The following MOV10L1 variants were observed in gnomAD, a reference collection of about 807,000 sequenced individuals.
MOV10L1 encodes the protein Mov10 like RNA helicase 1.
In MOV10L1, 110 loss-of-function variants were observed where a neutral mutation model predicts 143.8. The observed-to-expected ratio is 0.76, with a 90% CI of 0.66 to 0.90. MOV10L1 has a LOEUF of 0.90. MOV10L1 is among the 40% of genes least tolerant of loss of function. The pLI is 0.00. For missense variants in MOV10L1, 1,406 were observed against 1,526.8 expected (o/e 0.92, Z 1.32); for synonymous variants, 593 against 581.1 (o/e 1.02, Z -0.29).
intron 13 of MOV10L1, among the ~76,000 whole-genome samples, chr22:50,130,806 C>T (rs2062651620): frequency 6.6e-6 from 1 of 152,226 alleles, no homozygotes; most frequent in Non-Finnish European, 1.5e-5. Context: ...TGCTTTGACT[C>T]TGGAACAGAG....
chr22:50,124,348 T>A (rs771632301), intron 10 of MOV10L1, among the ~76,000 whole-genome samples: 1 of 152,244 alleles, frequency 6.6e-6, no homozygotes, highest in Non-Finnish European at 1.5e-5. Context: ...GTTCTTTTGC[T>A]TTAATTCTTA....
chr22:50,160,600 T>G lies in MOV10L1; in HGVS notation c.3325-88T>G, dbSNP rs989056557. 4.1e-6 allele frequency: 6 copies of G among 1,477,898 alleles called. No homozygotes were observed. The East Asian group carries it at 9.2e-5, about 23-fold the overall frequency. The allele number at this position is 1,477,898 out of a possible 1,614,324, so 91.5% of individuals were successfully genotyped here. ...ATGAGGTCATTCTGCTATTTAACATTTTTAAATGTTTTTATATATCAAGAG... is the reference window on the plus strand; with the variant it reads ...ATGAGGTCATTCTGCTATTTAACATGTTTAAATGTTTTTATATATCAAGAG... On this transcript the variant is annotated intron_variant, in intron 24 of 26. Transcript: ENST00000262794.
At chr22:50,153,848 G>T (rs1166686925) in intron 22 of MOV10L1, among the ~76,000 whole-genome samples, 7 of 152,250 alleles carry the variant, frequency 4.6e-5, no homozygotes, top group Admixed American at 2.6e-4. Flanking sequence ...TGCCCCAGAA[G>T]AAGGGGCATT....
At chr22:50,091,883 C>T in intron 1 of MOV10L1, 118 bp from the exon 2 acceptor site, 1 of 915,918 alleles carries the variant, frequency 1.1e-6, no homozygotes, top group South Asian at 1.7e-5. Context: ...CGTTCGGAGT[C>T]AGTGCCTCCG....
At chr22:50,133,468 A>G (rs9617038) in intron 13 of MOV10L1, among the ~76,000 whole-genome samples, 20,614 of 149,732 alleles carry the variant, frequency 0.14, 1,610 homozygotes, top group Admixed American at 0.21. Flanking sequence ...AAAAAAAAAA[A>G]AAAGAAAGAA....
chr22:50,153,267 A>G (rs1384376546), intron 22 of MOV10L1, 49 bp downstream of exon 22: 4 of 1,551,962 alleles, frequency 2.6e-6, no homozygotes, highest in African/African-American at 2.7e-5. Flanking sequence ...TAAGGACAGT[A>G]TGGCAGGAGG....
intron 16 of MOV10L1, among the ~76,000 whole-genome samples, chr22:50,142,524 C>T (rs1286276038): frequency 6.6e-6 from 1 of 152,082 alleles, no homozygotes; most frequent in African/African-American, 2.4e-5. Context: ...GTTCTCCTGA[C>T]CCTCTTTAAC....
Position 50,108,819 on chromosome 22 carries a change from C to T in MOV10L1, c.718C>T (p.Leu240Phe), listed in dbSNP as rs1053273192. The T allele has an allele frequency of 8.1e-6, 13 of 1,614,024 alleles. No individual in the cohort carries two copies. The highest frequency in any genetic ancestry group is 1.3e-5 in the African/African-American group (1 of 74,912). The change falls in exon 5 of 27, where the codon CTT (leucine) becomes TTT (phenylalanine). Residue 240 changes from leucine (L) to phenylalanine (F), a missense_variant. This residue lies in a region of MOV10L1 where 1,233 missense variants were observed against 1,351.4 expected (regional missense o/e 0.91). Coordinates refer to ENST00000262794, the MANE Select transcript of MOV10L1 (RefSeq NM_018995.3). Reference protein sequence around the residue: ...SSQSCYVWRALCMTLVKRRDA... With the variant: ...SSQSCYVWRAFCMTLVKRRDA... The stretch of plus-strand genomic sequence containing the variant: ...CCAGTCATGCTATGTCTGGAGGGCA[C>T]TTTGTATGACCCTAGTGAAGAGGCG...
chr22:50,108,042 C>T (rs1458379531), intron 3 of MOV10L1, 94 bp from the exon 4 acceptor site: 2 of 1,118,544 alleles, frequency 1.8e-6, no homozygotes, highest in Non-Finnish European at 2.7e-6. Flanking sequence ...TCAAATGTAT[C>T]CTCAGGTATG....
chr22:50,098,263 TAA>T (rs1569268555), intron 2 of MOV10L1, among the ~76,000 whole-genome samples: 1 of 84,436 alleles, frequency 1.2e-5, no homozygotes, highest in Non-Finnish European at 3.1e-5. Context: ...ATTAACATCT[TAA>T]TAATCACATA....
Position 50,148,749 on chromosome 22 carries a change from C to T in MOV10L1, c.2628-866C>T, listed in dbSNP as rs562638429. Among the ~76,000 whole-genome samples, 48 of 151,954 alleles carry T rather than the reference C, an allele frequency of 3.2e-4. No homozygotes were observed. The South Asian group carries it at 6.5e-3, about 20-fold the overall frequency. ...CGCGATCTCAGCTCACTGCAAGCTC[C>T]GCCTCCCAGGTTCACGCCATTCTCC... On this transcript the variant is annotated intron_variant, in intron 19 of 26. Transcript: ENST00000262794.
intron 26 of MOV10L1, 138 bp downstream of exon 26, chr22:50,161,193 T>A: frequency 9.4e-7 from 1 of 1,061,696 alleles, no homozygotes; most frequent in Non-Finnish European, 1.4e-6. Flanking sequence ...CCTCACCTCA[T>A]CCTGGGCTGC....
At chr22:50,118,148 A>T (rs1439455706) in intron 9 of MOV10L1, among the ~76,000 whole-genome samples, 1 of 152,150 alleles carries the variant, frequency 6.6e-6, no homozygotes, top group Non-Finnish European at 1.5e-5. Context: ...ATGGACTTCT[A>T]CTTAGTTGCA....
chr22:50,117,130 A>G (rs781234146), intron 8 of MOV10L1, 27 bp from the exon 9 acceptor site: 5 of 1,586,368 alleles, frequency 3.2e-6, no homozygotes, highest in Non-Finnish European at 3.4e-6. Context: ...TATGACTAAA[A>G]CTAAATTTCA....
chr22:50,161,287 C>T (rs2063553353), intron 26 of MOV10L1, 81 bp from the exon 27 acceptor site: 2 of 1,237,242 alleles, frequency 1.6e-6, no homozygotes, highest in Admixed American at 2.4e-5. Context: ...CCTTGTAAAA[C>T]CCACATTGGG....
chr22:50,145,803 G>A lies in MOV10L1; in HGVS notation c.2620G>A (p.Gly874Arg). ...CSSSGLFYQI[G>R]VRVGHFTHVF... ...CAGCTCAGGGCTGTTTTACCAAATA[G>A]GAGTGAGGTGAGCCCCGGGCATGGA... The change falls in exon 19 of 27, where the codon GGA (glycine) becomes AGA (arginine). Residue 874 changes from glycine to arginine, a missense_variant. Transcript: ENST00000262794. 1 of 1,613,830 alleles carries A rather than the reference G, an allele frequency of 6.2e-7. No individual in the cohort carries two copies. Among genetic ancestry groups the A allele is most frequent in the South Asian group, 1.1e-5 (1 of 91,076 alleles).
At chr22:50,096,481 T>C (rs766021877) in intron 2 of MOV10L1, 2 of 152,214 alleles carry the variant, frequency 1.3e-5, no homozygotes, top group African/African-American at 2.4e-5. Context: ...TCAGTTCTTT[T>C]GGGGCTACGC....
intron 22 of MOV10L1, among the ~76,000 whole-genome samples, chr22:50,157,312 C>T (rs927695716): frequency 3.3e-5 from 5 of 152,232 alleles, no homozygotes; most frequent in Admixed American, 1.3e-4. Context: ...TGATTGCGTC[C>T]GTTGATGCCC....
chr22:50,128,542 T>TA, intron 13 of MOV10L1, 35 bp downstream of exon 13: 3 of 191,020 alleles, frequency 1.6e-5, no homozygotes, highest in Non-Finnish European at 2.7e-5. Flanking sequence ...TCAAATGTCT[T>TA]TTTTTTTTTT....
Sources: gnomAD v4.1 joint callset for allele counts (sites outside exome capture counted in the v4.1 genomes callset) on GRCh38, gnomAD v4.1.1 for gene constraint, gnomAD v4.1.1 regional missense constraint, MANE v1.5 for transcripts, NCBI Gene and HGNC (gene_info 2026-07-23, HGNC 2026-07-21) for gene names.